The following EFHD1 variants were observed in gnomAD, a reference collection of about 807,000 sequenced individuals.
EFHD1 encodes the protein EF-hand domain family member D1, also known as EF-hand domain-containing protein D1.
EFHD1 carries 10 observed loss-of-function variants against 17.2 expected under a neutral mutation model. That is an observed-to-expected ratio of 0.58 (90% confidence interval 0.36 to 0.99). The LOEUF (loss-of-function observed/expected upper bound fraction) is 0.99, where lower values mean the gene tolerates loss of function less well. Among genes scored for constraint, EFHD1 ranks in the 50% least tolerant of loss-of-function variants. The pLI is 0.01. For synonymous variants in EFHD1, 153 were observed against 142.0 expected (o/e 1.08, Z -0.55); for missense variants, 310 against 327.5 (o/e 0.95, Z 0.41).
intron 1 of EFHD1, among the ~76,000 whole-genome samples, chr2:232,644,769 G>A (rs1456709635): frequency 6.6e-6 from 1 of 151,342 alleles, no homozygotes; most frequent in African/African-American, 2.4e-5. Context: ...TGGGATTACA[G>A]GCGAGAGCCA....
At chr2:232,676,178 G>A (rs1330685351) in intron 3 of EFHD1, among the ~76,000 whole-genome samples, 4 of 151,360 alleles carry the variant, frequency 2.6e-5, no homozygotes, top group Non-Finnish European at 4.4e-5. Flanking sequence ...ATGTCTCAAA[G>A]GAAAAAAAAA....
At chr2:232,634,143 T>C (rs953313024) in intron 1 of EFHD1, 137 bp downstream of exon 1, 7 of 1,438,768 alleles carry the variant, frequency 4.9e-6, no homozygotes, top group Non-Finnish European at 5.4e-6. Context: ...CGCAGCCAGA[T>C]CTTGCGTGCT....
intron 3 of EFHD1, among the ~76,000 whole-genome samples, chr2:232,672,888 C>G (rs1695105377): frequency 6.6e-6 from 1 of 152,132 alleles, no homozygotes; most frequent in African/African-American, 2.4e-5. Flanking sequence ...AAGCAGGACT[C>G]TAAATTCTTA....
chr2:232,659,918 C>T (rs562818363), intron 1 of EFHD1, among the ~76,000 whole-genome samples: 15 of 152,162 alleles, frequency 9.9e-5, no homozygotes, highest in Admixed American at 6.5e-4. Flanking sequence ...ACAGAGCAAG[C>T]GGGGAAGTGC....
chr2:232,606,181 C>T (rs1294077466), intron 1 of EFHD1: 2 of 1,535,104 alleles, frequency 1.3e-6, no homozygotes, highest in Non-Finnish European at 1.8e-6. Flanking sequence ...GCAGTAAGTG[C>T]TCTTTAAATC....
chr2:232,625,159 C>G (rs1694085530), intron 1 of EFHD1, among the ~76,000 whole-genome samples: 1 of 152,162 alleles, frequency 6.6e-6, no homozygotes, highest in Non-Finnish European at 1.5e-5. Flanking sequence ...GACAAAGTCT[C>G]ACTCTGTCGC....
At chr2:232,653,080 G>A (rs1377564145) in intron 1 of EFHD1, among the ~76,000 whole-genome samples, 1 of 151,850 alleles carries the variant, frequency 6.6e-6, no homozygotes, top group African/African-American at 2.4e-5. Flanking sequence ...TGCAACCTCT[G>A]TCCCCTGGGT....
At chr2:232,660,190 A>ATTTTAT (rs377190193) in intron 1 of EFHD1, among the ~76,000 whole-genome samples, 33 of 116,232 alleles carry the variant, frequency 2.8e-4, no homozygotes, top group Admixed American at 1.0e-3. Flanking sequence ...ATTTTATTTT[A>ATTTTAT]TTTATTTATT....
chr2:232,678,243 G>T (rs1373405568), intron 3 of EFHD1, among the ~76,000 whole-genome samples: 1 of 151,510 alleles, frequency 6.6e-6, no homozygotes, highest in Non-Finnish European at 1.5e-5. Context: ...TCCAGCCTGG[G>T]TGACAGAGTA....
chr2:232,664,738 C>G (rs1052366501), intron 2 of EFHD1, among the ~76,000 whole-genome samples: 1 of 145,654 alleles, frequency 6.9e-6, no homozygotes, highest in African/African-American at 2.6e-5. Flanking sequence ...CTCAGCCTCC[C>G]GAGTAGCTGG....
intron 1 of EFHD1, among the ~76,000 whole-genome samples, chr2:232,618,328 G>C (rs1693962795): frequency 1.3e-5 from 2 of 152,218 alleles, no homozygotes; most frequent in South Asian, 4.1e-4. Context: ...CAATAAACCA[G>C]TTTTAAAATG....
Position 232,618,737 on chromosome 2 carries a change from AT to A in EFHD1, c.14+12568del, listed in dbSNP as rs999385523. On this transcript the variant is annotated intron_variant, in intron 1 of 3. Transcript: ENST00000409613. ...GACTCTGTCTCAAAAAAAAAAAAAAATTTTGAAAAAAGGGAAATACATGCTA... is the reference window on the plus strand; with the variant it reads ...GACTCTGTCTCAAAAAAAAAAAAAAATTTGAAAAAAGGGAAATACATGCTA... Among the ~76,000 whole-genome samples the A allele has an allele frequency of 3.0e-4, 43 of 145,132 alleles. 1 individual carries two copies. Among genetic ancestry groups the A allele is most frequent in the African/African-American group, 1.0e-3 (38 of 38,144 alleles).
chr2:232,613,035 T>C (rs1420682964), intron 1 of EFHD1, among the ~76,000 whole-genome samples: 1 of 151,826 alleles, frequency 6.6e-6, no homozygotes, highest in Non-Finnish European at 1.5e-5. Context: ...ACCTGGCCAG[T>C]TTCTTTAAAA....
intron 1 of EFHD1, among the ~76,000 whole-genome samples, chr2:232,638,703 A>T (rs1298298185): frequency 6.6e-6 from 1 of 152,102 alleles, no homozygotes; most frequent in East Asian, 1.9e-4. Context: ...GAGTGAATTG[A>T]CTCTAAAAAT....
intron 1 of EFHD1, among the ~76,000 whole-genome samples, chr2:232,648,621 C>T (rs1313999337): frequency 6.6e-6 from 1 of 152,094 alleles, no homozygotes; most frequent in Admixed American, 6.5e-5. Flanking sequence ...CTGGGAAGAC[C>T]ACCTGCCGGT....
intron 1 of EFHD1, among the ~76,000 whole-genome samples, chr2:232,610,059 C>A (rs114956168): frequency 0.02 from 3,029 of 152,336 alleles, 106 homozygotes; most frequent in African/African-American, 0.07. Flanking sequence ...GGGCTCAGGG[C>A]ACAGCGCCTG....
Position 232,682,459 on chromosome 2 carries a change from C to A in EFHD1, c.*740C>A, listed in dbSNP as rs1695306878. The A allele has an allele frequency of 6.6e-6, 1 of 152,268 alleles. No homozygotes were observed. The highest frequency in any genetic ancestry group is 2.4e-5 in the African/African-American group (1 of 41,418). 9.4% of individuals were successfully genotyped at this position (152,268 alleles called of 1,614,324 possible). A position where few individuals can be genotyped will look rare whatever the true frequency, so the allele number is the denominator to read the frequency against. ...TAAGAACGAAAGAATAGTTAGGATA[C>A]CAATGAGTAAAAGGGTTCCTGTTCA... On this transcript the variant is annotated 3_prime_UTR_variant, in exon 4 of 4. Transcript: ENST00000264059.
chr2:232,615,622 T>A (rs2106183775), intron 1 of EFHD1, among the ~76,000 whole-genome samples: 1 of 152,124 alleles, frequency 6.6e-6, no homozygotes. Context: ...AAGGCTTTGC[T>A]GAGTAACACT....
At chr2:232,657,315 T>C (rs1329202452) in intron 1 of EFHD1, among the ~76,000 whole-genome samples, 1 of 152,194 alleles carries the variant, frequency 6.6e-6, no homozygotes, top group Non-Finnish European at 1.5e-5. Context: ...ATTCATACAA[T>C]GAGGTGCCCT....
Sources: gnomAD v4.1 joint callset for allele counts (sites outside exome capture counted in the v4.1 genomes callset) on GRCh38, gnomAD v4.1.1 for gene constraint, MANE v1.5 for transcripts, NCBI Gene and HGNC (gene_info 2026-07-23, HGNC 2026-07-21) for gene names.